Variants in E2F3 observed in about 807,000 individuals in gnomAD.
E2F3 encodes transcription factor E2F3.
Under a neutral mutation model 44.4 loss-of-function variants are expected in E2F3, and 11 were observed. The ratio of observed to expected loss-of-function variants is 0.25; its 90% CI spans 0.16 to 0.41. The LOEUF (loss-of-function observed/expected upper bound fraction) is 0.41. E2F3 is among the 10% of genes least tolerant of loss of function. The pLI is 1.00. For missense variants in E2F3, 487 were observed against 583.6 expected, an observed-to-expected ratio of 0.83 and a Z score of 1.70; for synonymous variants, 249 against 253.0, an observed-to-expected ratio of 0.98 and a Z score of 0.15.
At chr6:20,457,268 AG>A (rs202213410) in intron 1 of E2F3, among the ~76,000 whole-genome samples, 2,114 of 151,198 alleles carry the variant, frequency 0.014, 21 homozygotes, top group South Asian at 0.034. Flanking sequence ...TCCGCACCCC[AG>A]GTTCAAGCGA....
chr6:20,412,829 C>A (rs1759719450), intron 1 of E2F3, among the ~76,000 whole-genome samples: 1 of 152,120 alleles, frequency 6.6e-6, no homozygotes, highest in Non-Finnish European at 1.5e-5. Context: ...GCAGGCCAAA[C>A]AAAATAGGTC....
At chr6:20,482,098 T>C (rs141377328) in intron 3 of E2F3, among the ~76,000 whole-genome samples, 3 of 152,288 alleles carry the variant, frequency 2.0e-5, no homozygotes, top group African/African-American at 7.2e-5. Flanking sequence ...AGGAGGGCTT[T>C]GAAAAGATAC....
chr6:20,412,605 G>A (rs901344871), intron 1 of E2F3, among the ~76,000 whole-genome samples: 1 of 152,108 alleles, frequency 6.6e-6, no homozygotes, highest in East Asian at 1.9e-4. Context: ...AGGGCTGGGC[G>A]GGGAGTAGAT....
intron 1 of E2F3, among the ~76,000 whole-genome samples, chr6:20,477,331 T>C (rs536789030): frequency 1.1e-3 from 174 of 152,296 alleles, no homozygotes; most frequent in Non-Finnish European, 2.1e-3. Context: ...ATATGGTATA[T>C]GTATTATATA....
At chr6:20,416,451 A>G (rs756953396) in intron 1 of E2F3, among the ~76,000 whole-genome samples, 6 of 152,194 alleles carry the variant, frequency 3.9e-5, no homozygotes, top group East Asian at 1.9e-4. Context: ...TAGTTGGTGA[A>G]GATTTTGCCA....
chr6:20,439,917 C>T (rs1760718288), intron 1 of E2F3: 10 of 152,164 alleles, frequency 6.6e-5, no homozygotes, highest in Admixed American at 6.5e-4. Context: ...AATGGAAATA[C>T]GTACATTTAT....
chr6:20,443,342 G>A (rs1760835517), intron 1 of E2F3, among the ~76,000 whole-genome samples: 1 of 152,200 alleles, frequency 6.6e-6, no homozygotes, highest in Non-Finnish European at 1.5e-5. Context: ...TTCTTGACCT[G>A]AAATCCCCAG....
At chr6:20,478,663 G>T (rs1213952595) in intron 1 of E2F3, among the ~76,000 whole-genome samples, 1 of 152,148 alleles carries the variant, frequency 6.6e-6, no homozygotes, top group East Asian at 1.9e-4. Flanking sequence ...ACAAAAATTA[G>T]CTGGGAGTGG....
At chr6:20,454,984 A>AT (rs895054848) in intron 1 of E2F3, among the ~76,000 whole-genome samples, 97 of 151,914 alleles carry the variant, frequency 6.4e-4, no homozygotes, top group African/African-American at 1.9e-3. Flanking sequence ...AGGGATCAGG[A>AT]TTTTTTTTTA....
chr6:20,421,444 A>G (rs1357092149), intron 1 of E2F3: 1 of 152,230 alleles, frequency 6.6e-6, no homozygotes, highest in African/African-American at 2.4e-5. Flanking sequence ...TGGGCTGCAG[A>G]ATGGATGTTG....
At chr6:20,417,111 TA>T (rs1334077249) in intron 1 of E2F3, among the ~76,000 whole-genome samples, 6 of 152,216 alleles carry the variant, frequency 3.9e-5, no homozygotes, top group Non-Finnish European at 1.5e-5. Context: ...CTGGCATCAT[TA>T]AAAAATTTTT....
At chr6:20,403,681 CG>C in intron 1 of E2F3, 1 of 562,910 alleles carries the variant, frequency 1.8e-6, no homozygotes, top group Non-Finnish European at 3.0e-6. Flanking sequence ...CCCCCGGCAC[CG>C]CCACCCTCCC....
chr6:20,464,863 A>G (rs1309157958), intron 1 of E2F3, among the ~76,000 whole-genome samples: 3 of 152,226 alleles, frequency 2.0e-5, no homozygotes. Context: ...GGCCTTTACC[A>G]ACAGGTTTCG....
chr6:20,475,360 A>G (rs1251124377), intron 1 of E2F3, among the ~76,000 whole-genome samples: 3 of 152,182 alleles, frequency 2.0e-5, no homozygotes, highest in East Asian at 1.9e-4. Context: ...CCTTTGCCTC[A>G]TGGCAGTCTG....
intron 1 of E2F3, among the ~76,000 whole-genome samples, chr6:20,426,030 G>A (rs1760204214): frequency 6.6e-6 from 1 of 152,220 alleles, no homozygotes; most frequent in African/African-American, 2.4e-5. Context: ...TAGGAATAGT[G>A]TATTGATTTT....
chr6:20,480,040 G>A (rs1762171160), intron 2 of E2F3, 83 bp downstream of exon 2: 2 of 1,500,534 alleles, frequency 1.3e-6, no homozygotes, highest in African/African-American at 2.8e-5. Flanking sequence ...AGGATGCCAA[G>A]GTGTGAATAA....
At chr6:20,449,008 A>G (rs2127599819) in intron 1 of E2F3, among the ~76,000 whole-genome samples, 1 of 152,338 alleles carries the variant, frequency 6.6e-6, no homozygotes. Context: ...TGCAAAGTGG[A>G]CTTTGCCATC....
At chr6:20,471,015 G>T (rs1761872111) in intron 1 of E2F3, among the ~76,000 whole-genome samples, 1 of 152,128 alleles carries the variant, frequency 6.6e-6, no homozygotes, top group African/African-American at 2.4e-5. Flanking sequence ...ACTTTAAAAT[G>T]ATTTTCAAAT....
intron 1 of E2F3, among the ~76,000 whole-genome samples, chr6:20,479,466 G>A (rs1762149801): frequency 6.6e-6 from 1 of 152,236 alleles, no homozygotes; most frequent in African/African-American, 2.4e-5. Context: ...AATGGGAGAT[G>A]GGCAGGAAAG....
Sources: allele counts gnomAD v4.1 joint callset (sites outside exome capture counted in the v4.1 genomes callset), GRCh38; gene constraint gnomAD v4.1.1; transcripts MANE v1.5; gene names NCBI Gene and HGNC (gene_info 2026-07-23, HGNC 2026-07-21).